SPINK1: variants seen among roughly 807,000 people sequenced by gnomAD.
SPINK1 encodes the protein serine peptidase inhibitor Kazal type 1, also known as serine protease inhibitor Kazal-type 1.
Under a neutral mutation model 9.5 loss-of-function variants are expected in SPINK1, and 5 were observed. The ratio of observed to expected loss-of-function variants is 0.52; its 90% confidence interval spans 0.27 to 1.10. The LOEUF (loss-of-function observed/expected upper bound fraction) is 1.10, where lower values mean the gene tolerates loss of function less well. Ranked by LOEUF, SPINK1 falls within the 50% of genes least tolerant of loss-of-function variation. The pLI is 0.11. For missense variants in SPINK1, 88 were observed against 92.7 expected (o/e 0.95, Z 0.21); for synonymous variants, 37 against 32.3 (o/e 1.14, Z -0.49).
chr5:147,834,658 T>C (rs549188605), upstream of SPINK1, among the ~76,000 whole-genome samples: 4 of 152,096 alleles, frequency 2.6e-5, no homozygotes, highest in South Asian at 8.3e-4. Context: ...ACAAGCAGTG[T>C]GGGGAGAAGG....
At chr5:147,830,412 T>C (rs1756488894) in intron 1 of SPINK1, among the ~76,000 whole-genome samples, 1 of 152,180 alleles carries the variant, frequency 6.6e-6, no homozygotes, top group African/African-American at 2.4e-5. Flanking sequence ...GAAACATTCC[T>C]GAAAATTAAT....
upstream of SPINK1, among the ~76,000 whole-genome samples, chr5:147,832,929 G>T (rs1756533136): frequency 6.6e-6 from 1 of 152,090 alleles, no homozygotes; most frequent in African/African-American, 2.4e-5. Flanking sequence ...TTGCCTTTTT[G>T]TTGAGGGAGG....
chr5:147,827,374 T>TA (rs1405121401), intron 3 of SPINK1: 1 of 152,394 alleles, frequency 6.6e-6, no homozygotes, highest in Non-Finnish European at 1.5e-5. Flanking sequence ...CCCCTTTTAA[T>TA]AAAAAATATG....
upstream of SPINK1, among the ~76,000 whole-genome samples, chr5:147,832,728 T>C (rs949505423): frequency 2.6e-5 from 4 of 152,284 alleles, no homozygotes; most frequent in Admixed American, 1.3e-4. Flanking sequence ...TATGGAATAA[T>C]TAAGTCCCTT....
intron 2 of SPINK1, among the ~76,000 whole-genome samples, chr5:147,828,895 AT>A (rs34409032): frequency 0.14 from 20,855 of 145,794 alleles, 1,442 homozygotes; most frequent in Middle Eastern, 0.21. Context: ...ACTAACACTC[AT>A]TTTTTTTTTT....
At chr5:147,828,725 ATTC>A (rs903480060) in intron 2 of SPINK1, among the ~76,000 whole-genome samples, 6 of 152,326 alleles carry the variant, frequency 3.9e-5, no homozygotes, top group Non-Finnish European at 4.4e-5. Flanking sequence ...TAAGTATTAT[ATTC>A]TTCTTCAGGT....
the SPINK1 span, among the ~76,000 whole-genome samples, chr5:147,837,649 T>TTCCTTTCTTTC: frequency 9.3e-6 from 1 of 107,032 alleles, no homozygotes; most frequent in African/African-American, 3.7e-5. Context: ...CATTAACTTC[T>TTCCTTTCTTTC]TTTCTTTCTT....
At position 147,828,042 on chromosome 5, in the gene SPINK1, G is replaced by T; in HGVS notation, c.174C>A (p.Cys58Ter). 6.2e-7 allele frequency: 1 copy of T among 1,612,622 alleles called. No individual in the cohort carries two copies. The highest frequency in any genetic ancestry group is 8.5e-7 in the Non-Finnish European group (1 of 1,179,374). ...CTCACCGATTTTCAAAACATAACAC[G>T]CATTCATTGGGATAAGTATTTCCAT... ...GTDGNTYPNE[C>*]VLCFENRKRQ... is the part of the protein sequence containing the mutation. Residue 58 changes from cysteine (C) to a stop codon, truncating the protein, a stop_gained, in exon 3 of 4, where the codon TGC (cysteine) becomes TGA (stop). Coordinates refer to ENST00000296695, the MANE Select transcript of SPINK1 (RefSeq NM_001379610.1). LOFTEE classifies it high-confidence loss of function.
chr5:147,834,535 C>G (rs544965433), upstream of SPINK1, among the ~76,000 whole-genome samples: 31 of 152,108 alleles, frequency 2.0e-4, no homozygotes, highest in African/African-American at 7.5e-4. Flanking sequence ...TATATTGGTT[C>G]TTTTCATCTC....
chr5:147,837,948 C>T, the SPINK1 span, among the ~76,000 whole-genome samples: 3 of 151,928 alleles, frequency 2.0e-5, no homozygotes, highest in African/African-American at 2.4e-5. Context: ...GTGATCCACC[C>T]GCCTCGGCCC....
upstream of SPINK1, among the ~76,000 whole-genome samples, chr5:147,833,158 T>C (rs561869821): frequency 6.6e-6 from 1 of 152,186 alleles, no homozygotes; most frequent in Admixed American, 6.5e-5. Context: ...ACAGAGAGAA[T>C]AGTAAGCGCA....
chr5:147,828,177 A>G (rs1403054741), intron 2 of SPINK1, 49 bp from the exon 3 acceptor site: 2 of 1,396,686 alleles, frequency 1.4e-6, no homozygotes, highest in East Asian at 2.3e-5. Context: ...TCCATTCTTG[A>G]GTTCATAGCA....
chr5:147,838,815 C>A, the SPINK1 span, among the ~76,000 whole-genome samples: 7 of 152,168 alleles, frequency 4.6e-5, no homozygotes, highest in Admixed American at 4.6e-4. Context: ...ATTCATCTTT[C>A]TATTCATCTT....
chr5:147,838,421 A>T, the SPINK1 span, among the ~76,000 whole-genome samples: 1 of 152,178 alleles, frequency 6.6e-6, no homozygotes, highest in Non-Finnish European at 1.5e-5. Context: ...AAACAATTTC[A>T]GTAGATTCTG....
At chr5:147,836,451 T>C (rs1028634316), upstream of SPINK1, among the ~76,000 whole-genome samples, 6 of 152,082 alleles carry the variant, frequency 3.9e-5, no homozygotes, top group African/African-American at 9.7e-5. Context: ...CACTTAAGCG[T>C]CTCTGTTACA....
chr5:147,835,758 G>A (rs1489902177), upstream of SPINK1, among the ~76,000 whole-genome samples: 1 of 152,056 alleles, frequency 6.6e-6, no homozygotes, highest in African/African-American at 2.4e-5. Context: ...AGTTTAACTA[G>A]TAAGAAAAAA....
At chr5:147,827,930 G>T in intron 3 of SPINK1, 92 bp downstream of exon 3, 1 of 910,062 alleles carries the variant, frequency 1.1e-6, no homozygotes, top group Non-Finnish European at 1.7e-6. Flanking sequence ...TAAATAGTTT[G>T]CTTTTCTCGG....
At chr5:147,838,000 C>T in the SPINK1 span, among the ~76,000 whole-genome samples, 5 of 152,106 alleles carry the variant, frequency 3.3e-5, no homozygotes, top group East Asian at 9.7e-4. Context: ...CTGTGCCCAG[C>T]CACATTAACT....
chr5:147,827,328 G>A (rs527331869), intron 3 of SPINK1: 130 of 152,660 alleles, frequency 8.5e-4, no homozygotes, highest in South Asian at 2.1e-3. Context: ...ACTGCACCCG[G>A]CTGGCATTCT....
Sources: gnomAD v4.1 joint callset for allele counts (sites outside exome capture counted in the v4.1 genomes callset) on GRCh38, gnomAD v4.1.1 for gene constraint, MANE v1.5 for transcripts, NCBI Gene and HGNC (gene_info 2026-07-23, HGNC 2026-07-21) for gene names.